BUD31: variants seen among roughly 807,000 people sequenced by gnomAD.
BUD31 encodes the protein BUD31 spliceosome associated protein, also known as protein BUD31 homolog.
A neutral mutation model predicts 17.9 loss-of-function variants in BUD31; 9 were observed. That is an observed-to-expected ratio of 0.50 (90% confidence interval 0.30 to 0.88). The LOEUF is 0.88. Among genes scored for constraint, BUD31 ranks in the 40% least tolerant of loss-of-function variants. The pLI, the probability that BUD31 is intolerant of heterozygous loss-of-function variation, is 0.06. For missense variants in BUD31, 148 were observed against 184.5 expected, an observed-to-expected ratio of 0.80 and a Z score of 1.15; for synonymous variants, 70 against 64.7, an observed-to-expected ratio of 1.08 and a Z score of -0.39.
At chr7:99,417,942 C>T in intron 5 of BUD31, 4 of 1,245,296 alleles carry the variant, frequency 3.2e-6, no homozygotes, top group East Asian at 4.6e-5. Context: ...TCAGTCCTCA[C>T]AGTGATACTT....
At chr7:99,417,408 C>G in intron 4 of BUD31, 21 bp from the exon 5 acceptor site, 3 of 1,612,550 alleles carry the variant, frequency 1.9e-6, no homozygotes, top group African/African-American at 1.3e-5. Context: ...GCCTGATGCT[C>G]TTTCCCCATC....
At chr7:99,418,077 C>T in intron 5 of BUD31, 1 of 788,468 alleles carries the variant, frequency 1.3e-6, no homozygotes, top group South Asian at 2.8e-5. Flanking sequence ...AAGCGGTTCT[C>T]CTGCCTCATC....
At chr7:99,415,340 G>A in intron 3 of BUD31, 1 of 436,742 alleles carries the variant, frequency 2.3e-6, no homozygotes, top group South Asian at 1.6e-5. Context: ...GAGAGAGAGA[G>A]ACAGCTTATG....
chr7:99,414,449 T>C (rs1214702698), intron 3 of BUD31, among the ~76,000 whole-genome samples: 1 of 152,180 alleles, frequency 6.6e-6, no homozygotes, highest in African/African-American at 2.4e-5. Context: ...ATTGAGATAT[T>C]AATCATATAC....
At chr7:99,411,667 C>T in intron 3 of BUD31, 1 of 455,716 alleles carries the variant, frequency 2.2e-6, no homozygotes, top group Admixed American at 2.4e-5. Context: ...CATCTGTTGG[C>T]CTTATATGAT....
intron 3 of BUD31, among the ~76,000 whole-genome samples, chr7:99,413,546 T>C (rs1336506914): frequency 1.3e-5 from 2 of 152,214 alleles, no homozygotes; most frequent in African/African-American, 2.4e-5. Context: ...TAGAAATAGA[T>C]CTGAAAGCAT....
chr7:99,419,589 G>T lies in BUD31; in HGVS notation c.*148G>T. ...CTTCGCTGTCTATCAGCTGTGATTTGTAAAAATAAAATCTTTAAATCTCTC... is the reference window on the plus strand; with the variant it reads ...CTTCGCTGTCTATCAGCTGTGATTTTTAAAAATAAAATCTTTAAATCTCTC... On this transcript the variant is annotated 3_prime_UTR_variant, in exon 6 of 6. Transcript: ENST00000222969. 1.1e-6 allele frequency: 1 copy of T among 935,202 alleles called. No individual in the cohort carries two copies. Among genetic ancestry groups the T allele is most frequent in the Non-Finnish European group, 1.6e-6 (1 of 621,966 alleles). 57.9% of individuals were successfully genotyped at this position (935,202 alleles called of 1,614,324 possible).
intron 1 of BUD31, 78 bp from the exon 2 acceptor site, chr7:99,409,956 T>G (rs1357721460): frequency 2.0e-5 from 3 of 152,238 alleles, no homozygotes; most frequent in Non-Finnish European, 4.4e-5. Context: ...GTATGGGAAC[T>G]ACCTGACTTT....
rs1562831951 is a variant in BUD31, at chr7:99,416,122, CTTTG to C, written c.95-12_95-9del. 1 of 1,612,780 alleles carries C rather than the reference CTTTG, an allele frequency of 6.2e-7. No homozygotes were observed. The highest frequency in any genetic ancestry group is 2.2e-5 in the East Asian group (1 of 44,822). ...CCGACCCTATTCCCCCAAACACACT[CTTTG>C]TTTCTCCCCAGCTGAAACAGAACCG... is the stretch of plus-strand genomic sequence containing the variant. On this transcript the variant is annotated splice_polypyrimidine_tract_variant and intron_variant, in intron 3 of 5. Transcript: ENST00000222969.
Position 99,419,387 on chromosome 7 carries a change from G to C in BUD31, c.385-4G>C, listed in dbSNP as rs1321741474. 6.2e-7 allele frequency: 1 copy of C among 1,612,890 alleles called. No individual in the cohort carries two copies. The highest frequency in any genetic ancestry group is 1.3e-5 in the African/African-American group (1 of 74,928). On this transcript the variant is annotated splice_polypyrimidine_tract_variant and splice_region_variant and intron_variant, in intron 5 of 5. Transcript: ENST00000222969. ...CATCGTCTCACTGTCCTCCTCCGTTGCAGGGCCGCATCATCGAGTGCACAC... is the reference window on the plus strand; with the variant it reads ...CATCGTCTCACTGTCCTCCTCCGTTCCAGGGCCGCATCATCGAGTGCACAC...
At chr7:99,418,689 C>T (rs1795648952) in intron 5 of BUD31, 1 of 152,462 alleles carries the variant, frequency 6.6e-6, no homozygotes, top group Non-Finnish European at 1.5e-5. Context: ...CCCCCTTCCT[C>T]TGAGTGCCCA....
At chr7:99,415,050 G>A in intron 3 of BUD31, 1 of 296,696 alleles carries the variant, frequency 3.4e-6, no homozygotes, top group Non-Finnish European at 6.6e-6. Context: ...TCATCTGTAG[G>A]GTCCAGCCCC....
chr7:99,413,340 C>T (rs895458984), intron 3 of BUD31, among the ~76,000 whole-genome samples: 1 of 152,142 alleles, frequency 6.6e-6, no homozygotes, highest in African/African-American at 2.4e-5. Context: ...AGTATGAGTG[C>T]CACCTGATCC....
At chr7:99,415,898 T>C (rs922869374) in intron 3 of BUD31, among the ~76,000 whole-genome samples, 1 of 152,172 alleles carries the variant, frequency 6.6e-6, no homozygotes, top group Non-Finnish European at 1.5e-5. Context: ...ATTAATGATA[T>C]TCATATATAA....
chr7:99,418,019 G>A (rs1445319021), intron 5 of BUD31: 1 of 1,145,054 alleles, frequency 8.7e-7, no homozygotes, highest in Non-Finnish European at 1.1e-6. Context: ...CCAGGCTGGA[G>A]TGCAGTGATG....
At chr7:99,410,393 G>C (rs930852482) in intron 2 of BUD31, among the ~76,000 whole-genome samples, 3 of 131,982 alleles carry the variant, frequency 2.3e-5, no homozygotes, top group Non-Finnish European at 3.1e-5. Flanking sequence ...TAATTTTTTT[G>C]ATTTTTTTTT....
At chr7:99,412,024 A>C (rs1795209784) in intron 3 of BUD31, 2 of 185,608 alleles carry the variant, frequency 1.1e-5, no homozygotes, top group Admixed American at 5.7e-5. Context: ...TTTTTAAAGT[A>C]GCTTTTGAAA....
chr7:99,412,405 A>G (rs1247082749), intron 3 of BUD31, among the ~76,000 whole-genome samples: 1 of 152,120 alleles, frequency 6.6e-6, no homozygotes, highest in Non-Finnish European at 1.5e-5. Flanking sequence ...TTACCTCCAG[A>G]CAGAAGTATT....
intron 2 of BUD31, 148 bp from the exon 3 acceptor site, chr7:99,410,916 C>T (rs1795155027): frequency 3.4e-6 from 2 of 594,112 alleles, no homozygotes. Context: ...GTAGCAGAGC[C>T]AGGATTTGAA....
Sources: gnomAD v4.1 joint callset for allele counts (sites outside exome capture counted in the v4.1 genomes callset) on GRCh38, gnomAD v4.1.1 for gene constraint, MANE v1.5 for transcripts, NCBI Gene and HGNC (gene_info 2026-07-23, HGNC 2026-07-21) for gene names.